ABCA13: variants seen among roughly 807,000 people sequenced by gnomAD.
ABCA13 encodes the protein ATP binding cassette subfamily A member 13.
Under a neutral mutation model 478.7 loss-of-function variants are expected in ABCA13, and 476 were observed. That is an observed-to-expected ratio of 0.99 (90% CI 0.92 to 1.07). ABCA13 has a LOEUF of 1.07. Ranked by LOEUF, ABCA13 falls within the 50% of genes least tolerant of loss-of-function variation. The pLI, the probability that ABCA13 is intolerant of heterozygous loss-of-function variation, is 0.00. For missense variants in ABCA13, 6,060 were observed against 5,910.6 expected, an observed-to-expected ratio of 1.03 and a Z score of -0.83; for synonymous variants, 2,252 against 2,158.9, an observed-to-expected ratio of 1.04 and a Z score of -1.20.
chr7:48,461,545 C>T (rs1353241177), intron 43 of ABCA13, among the ~76,000 whole-genome samples: 1 of 152,140 alleles, frequency 6.6e-6, no homozygotes, highest in African/African-American at 2.4e-5. Context: ...CAAAGTCCAG[C>T]ACTGAGTAGG....
intron 27 of ABCA13, among the ~76,000 whole-genome samples, chr7:48,333,526 TG>T (rs747831624): frequency 2.6e-5 from 4 of 152,190 alleles, no homozygotes; most frequent in Non-Finnish European, 5.9e-5. Context: ...AATTGTATCA[TG>T]GGTATTCTAA....
intron 59 of ABCA13, among the ~76,000 whole-genome samples, chr7:48,624,582 T>C (rs1436999028): frequency 6.6e-6 from 1 of 151,516 alleles, no homozygotes; most frequent in Non-Finnish European, 1.5e-5. Context: ...AGAGTTTTGC[T>C]CTTGTTGCCC....
intron 35 of ABCA13, among the ~76,000 whole-genome samples, chr7:48,381,805 C>G (rs1278635409): frequency 6.6e-6 from 1 of 152,122 alleles, no homozygotes; most frequent in Non-Finnish European, 1.5e-5. Flanking sequence ...AAATGGAGGG[C>G]CTTTGCACAT....
rs759121212 is a variant in ABCA13, at chr7:48,507,903, C to G, written c.13378C>G (p.Leu4460Val). 2 of 1,612,266 alleles carry G rather than the reference C, an allele frequency of 1.2e-6. No individual in the cohort carries two copies. The highest frequency in any genetic ancestry group is 1.7e-6 in the Non-Finnish European group (2 of 1,179,258). Residue 4460 changes from leucine (L) to valine (V), a missense_variant, in exon 50 of 62, where the codon CTC becomes GTC. This residue lies in a region of ABCA13 where 1,627 missense variants were observed against 1,571.0 expected (regional missense o/e 1.04). Coordinates refer to ENST00000435803, the MANE Select transcript of ABCA13 (RefSeq NM_152701.5). ...GAGCATCCGTCAGTGTGGAGTGGCCCTCTGCATCGTGCTGGGATTCTCCAT... is the reference window on the plus strand; with the variant it reads ...GAGCATCCGTCAGTGTGGAGTGGCCGTCTGCATCGTGCTGGGATTCTCCAT... The part of the protein sequence containing the change: ...LESIRQCGVA[L>V]CIVLGFSILS...
intron 3 of ABCA13, among the ~76,000 whole-genome samples, chr7:48,204,010 C>G (rs1306395083): frequency 6.6e-6 from 1 of 152,090 alleles, no homozygotes; most frequent in Non-Finnish European, 1.5e-5. Flanking sequence ...CTCTCTGCCT[C>G]TTTTCCAACC....
rs569262366 is a variant in ABCA13, at chr7:48,500,226, T to C, written c.13292-6110T>C. Among the ~76,000 whole-genome samples, 200 of 152,262 alleles carry C rather than the reference T, an allele frequency of 1.3e-3. 2 individuals are homozygous for C. Among genetic ancestry groups the C allele is most frequent in the African/African-American group, 4.7e-3 (197 of 41,556 alleles). On this transcript the variant is annotated intron_variant, in intron 48 of 61. Transcript: ENST00000435803. ...GCTATCCTCTCTTTCTTTGGATCCATGAAGAGAGTTCTGCTTTCTAACGTT... is the reference window on the plus strand; with the variant it reads ...GCTATCCTCTCTTTCTTTGGATCCACGAAGAGAGTTCTGCTTTCTAACGTT...
chr7:48,215,483 G>T lies in ABCA13; in HGVS notation c.288-3871G>T, dbSNP rs181910702. 2.6e-5 allele frequency among the ~76,000 whole-genome samples: 4 copies of T among 152,252 alleles called. No homozygotes were observed. In the East Asian group the frequency reaches 7.7e-4, roughly 29 times the overall value. ...TATTTTGTGAGGATTACCAAAATGT[G>T]ACACAGAGACACAAAGTGAGCACAT... On this transcript the variant is annotated intron_variant, in intron 3 of 61. Coordinates refer to ENST00000435803, the MANE Select transcript of ABCA13 (RefSeq NM_152701.5).
intron 58 of ABCA13, among the ~76,000 whole-genome samples, chr7:48,603,110 C>T (rs1280169881): frequency 6.6e-6 from 1 of 152,126 alleles, no homozygotes; most frequent in African/African-American, 2.4e-5. Flanking sequence ...AGTTGCCTCT[C>T]AGCTTTAGGA....
intron 58 of ABCA13, chr7:48,611,911 T>TTA (rs1792063192): frequency 6.6e-6 from 1 of 152,226 alleles, no homozygotes; most frequent in Non-Finnish European, 1.5e-5. Flanking sequence ...ATTAAAGAAA[T>TTA]ATGTGTTTGT....
Position 48,272,760 on chromosome 7 carries a change from C to T in ABCA13, c.3094C>T (p.Gln1032Ter), listed in dbSNP as rs751007106. Reference protein sequence around the residue: ...GGISNVSYCQQLLSIFNFLEL... With the variant: ...GGISNVSYCQ The stretch of plus-strand genomic sequence containing the variant: ...AATTTCTAATGTATCTTACTGTCAG[C>T]AATTGCTTTCAATTTTTAACTTTTT... The change falls in exon 17 of 62, where the codon CAA (glutamine) becomes TAA (stop). Residue 1032 changes from glutamine to a stop codon, truncating the protein, a stop_gained. Coordinates refer to ENST00000435803, the MANE Select transcript of ABCA13 (RefSeq NM_152701.5). LOFTEE classifies it high-confidence loss of function. The T allele has an allele frequency of 2.2e-5, 36 of 1,606,456 alleles. No individual in the cohort carries two copies. Among genetic ancestry groups the T allele is most frequent in the Non-Finnish European group, 2.9e-5 (34 of 1,175,572 alleles).
chr7:48,269,463 T>C (rs908218907), intron 16 of ABCA13, among the ~76,000 whole-genome samples: 4 of 152,246 alleles, frequency 2.6e-5, no homozygotes, highest in African/African-American at 9.6e-5. Flanking sequence ...TCTGTTAGTT[T>C]CAAAGACTCC....
At chr7:48,416,618 T>A (rs1223319099) in intron 41 of ABCA13, among the ~76,000 whole-genome samples, 1 of 152,104 alleles carries the variant, frequency 6.6e-6, no homozygotes, top group Non-Finnish European at 1.5e-5. Context: ...GGGACTTGCA[T>A]GAGATGCCCT....
At chr7:48,298,270 C>G in intron 22 of ABCA13, 96 bp from the exon 23 acceptor site, 3 of 1,161,386 alleles carry the variant, frequency 2.6e-6, no homozygotes, top group Non-Finnish European at 3.5e-6. Context: ...GTGAAAGAAA[C>G]TATCCTAGCC....
At chr7:48,198,211 C>T (rs762415185) in intron 2 of ABCA13, 26 bp from the exon 3 acceptor site, 2 of 1,605,606 alleles carry the variant, frequency 1.2e-6, no homozygotes, top group Non-Finnish European at 1.7e-6. Context: ...TATACGGACT[C>T]ATTTCTTCTT....
intron 42 of ABCA13, among the ~76,000 whole-genome samples, chr7:48,443,817 A>G (rs1823938357): frequency 6.6e-6 from 1 of 152,084 alleles, no homozygotes; most frequent in African/African-American, 2.4e-5. Flanking sequence ...GAAAGAAAAT[A>G]AGAGTGAATA....
intron 43 of ABCA13, among the ~76,000 whole-genome samples, chr7:48,465,567 T>A (rs1240353041): frequency 7.2e-5 from 11 of 151,794 alleles, no homozygotes; most frequent in Non-Finnish European, 1.3e-4. Context: ...GCTTTTTTAT[T>A]GCTCATAATA....
intron 13 of ABCA13, among the ~76,000 whole-genome samples, chr7:48,246,815 A>G (rs138380600): frequency 1.8e-3 from 277 of 152,322 alleles, no homozygotes; most frequent in Non-Finnish European, 3.4e-3. Context: ...AGAGAAGGGC[A>G]AACAACAGTG....
rs563704707 is a variant in ABCA13, at chr7:48,595,669, T to C, written c.14744+856T>C. Among the ~76,000 whole-genome samples, 11 of 152,298 alleles carry C rather than the reference T, an allele frequency of 7.2e-5. No individual in the cohort carries two copies. In the South Asian group the frequency reaches 1.9e-3, roughly 26 times the overall value. ...TTGGTTCCCTAAACCCCAGTTTCTATTGGACTAATGGATGCCTGCACACAG... is the reference window on the plus strand; with the variant it reads ...TTGGTTCCCTAAACCCCAGTTTCTACTGGACTAATGGATGCCTGCACACAG... On this transcript the variant is annotated intron_variant, in intron 58 of 61. Transcript: ENST00000435803.
At chr7:48,307,211 A>C (rs923258155) in intron 23 of ABCA13, among the ~76,000 whole-genome samples, 19 of 152,256 alleles carry the variant, frequency 1.2e-4, no homozygotes, top group African/African-American at 4.3e-4. Flanking sequence ...TGAACATTAT[A>C]GTGTATACTT....
Sources: allele counts gnomAD v4.1 joint callset (sites outside exome capture counted in the v4.1 genomes callset), GRCh38; gene constraint gnomAD v4.1.1; regional missense constraint gnomAD v4.1.1; transcripts MANE v1.5; gene names NCBI Gene and HGNC (gene_info 2026-07-23, HGNC 2026-07-21).